The following ARHGAP24 variants were observed in gnomAD, a reference collection of about 807,000 sequenced individuals.
ARHGAP24 encodes the protein rho GTPase-activating protein 24.
In ARHGAP24, 50 loss-of-function variants were observed where a neutral mutation model predicts 76.4. The observed-to-expected ratio is 0.65, with a 90% confidence interval of 0.52 to 0.83. ARHGAP24 has a LOEUF of 0.83. ARHGAP24 is among the 40% of genes least tolerant of loss of function. ARHGAP24 has a pLI of 0.00. For synonymous variants in ARHGAP24, 345 were observed against 323.3 expected, an observed-to-expected ratio of 1.07 and a Z score of -0.72; for missense variants, 930 against 914.2, an observed-to-expected ratio of 1.02 and a Z score of -0.22.
intron 3 of ARHGAP24, among the ~76,000 whole-genome samples, chr4:85,815,929 G>A (rs1386119662): frequency 1.3e-5 from 2 of 152,130 alleles, no homozygotes; most frequent in Non-Finnish European, 2.9e-5. Flanking sequence ...GGTGGAAGGT[G>A]AAAGGCATGT....
intron 3 of ARHGAP24, among the ~76,000 whole-genome samples, chr4:85,898,016 T>C (rs200830161): frequency 4.0e-5 from 4 of 101,162 alleles, no homozygotes; most frequent in Admixed American, 1.2e-4. Context: ...CATATATATA[T>C]ACACACACAT....
At chr4:85,574,090 T>C (rs1375099630) in intron 2 of ARHGAP24, among the ~76,000 whole-genome samples, 1 of 152,242 alleles carries the variant, frequency 6.6e-6, no homozygotes, top group Non-Finnish European at 1.5e-5. Context: ...TAACTTGCTT[T>C]TTGTTTTTTT....
At chr4:85,910,906 C>A (rs1735038517) in intron 3 of ARHGAP24, among the ~76,000 whole-genome samples, 1 of 152,164 alleles carries the variant, frequency 6.6e-6, no homozygotes, top group Admixed American at 6.5e-5. Context: ...CCGAGACCCA[C>A]CCCCTCCCAT....
chr4:85,721,583 G>T (rs1313717451), intron 2 of ARHGAP24, among the ~76,000 whole-genome samples: 2 of 152,092 alleles, frequency 1.3e-5, no homozygotes, highest in African/African-American at 4.8e-5. Flanking sequence ...TATGGTGCGG[G>T]TAGAATGCTT....
chr4:85,558,314 A>T (rs756813628), intron 1 of ARHGAP24, among the ~76,000 whole-genome samples: 80 of 152,122 alleles, frequency 5.3e-4, no homozygotes, highest in Non-Finnish European at 9.8e-4. Context: ...ATTTTAAAAA[A>T]TTATGTTTTA....
At chr4:85,645,710 T>G (rs888427208) in intron 2 of ARHGAP24, among the ~76,000 whole-genome samples, 2 of 152,082 alleles carry the variant, frequency 1.3e-5, no homozygotes, top group East Asian at 3.9e-4. Flanking sequence ...TGACTTCCAA[T>G]AAGCATTTCT....
chr4:85,722,789 C>T (rs1725004605), intron 3 of ARHGAP24, among the ~76,000 whole-genome samples: 1 of 152,180 alleles, frequency 6.6e-6, no homozygotes, highest in South Asian at 2.1e-4. Flanking sequence ...TTGATTTGAT[C>T]ACAGTCTAGG....
chr4:85,677,246 A>G (rs1048422692), intron 2 of ARHGAP24, among the ~76,000 whole-genome samples: 3 of 152,032 alleles, frequency 2.0e-5, no homozygotes, highest in Non-Finnish European at 2.9e-5. Flanking sequence ...TTAATCCTCC[A>G]TTTATATGTT....
intron 2 of ARHGAP24, among the ~76,000 whole-genome samples, chr4:85,586,146 C>G (rs1019154460): frequency 1.3e-5 from 2 of 152,006 alleles, no homozygotes; most frequent in African/African-American, 4.8e-5. Flanking sequence ...CTTTCTTGTT[C>G]TTGCTCATAT....
chr4:85,853,106 C>G (rs1411398096), intron 3 of ARHGAP24, among the ~76,000 whole-genome samples: 1 of 152,230 alleles, frequency 6.6e-6, no homozygotes. Flanking sequence ...GGCAGCAAGC[C>G]TTGTGGTGCT....
chr4:85,888,822 G>A (rs191276541), intron 3 of ARHGAP24, among the ~76,000 whole-genome samples: 6 of 152,078 alleles, frequency 3.9e-5, no homozygotes, highest in East Asian at 1.9e-4. Flanking sequence ...TCCACTCTAC[G>A]TGTCCATGTG....
At chr4:85,746,412 C>T (rs1726038727) in intron 3 of ARHGAP24, among the ~76,000 whole-genome samples, 1 of 152,212 alleles carries the variant, frequency 6.6e-6, no homozygotes, top group Admixed American at 6.5e-5. Flanking sequence ...ACCAGCAAAC[C>T]TCAAAATAAC....
intron 2 of ARHGAP24, among the ~76,000 whole-genome samples, chr4:85,592,110 C>T (rs1728137588): frequency 1.3e-5 from 2 of 152,152 alleles, no homozygotes; most frequent in Non-Finnish European, 2.9e-5. Flanking sequence ...CCTATTTTGT[C>T]CTAGCACTCC....
chr4:85,777,958 A>G (rs1210849997), intron 3 of ARHGAP24, among the ~76,000 whole-genome samples: 2 of 152,198 alleles, frequency 1.3e-5, no homozygotes, highest in Non-Finnish European at 2.9e-5. Context: ...TACAATCAAC[A>G]ATAATCAAAA....
intron 2 of ARHGAP24, among the ~76,000 whole-genome samples, chr4:85,571,710 T>G (rs954209772): frequency 5.9e-5 from 9 of 152,196 alleles, no homozygotes; most frequent in Non-Finnish European, 1.3e-4. Context: ...TCTTTTTTTT[T>G]GAAATTGCTA....
At chr4:85,778,447 C>G (rs113072385) in intron 3 of ARHGAP24, among the ~76,000 whole-genome samples, 2 of 152,030 alleles carry the variant, frequency 1.3e-5, no homozygotes, top group Non-Finnish European at 2.9e-5. Flanking sequence ...AGTTGTGAAA[C>G]CTGGTTATTT....
At chr4:85,748,771 T>G (rs1726146124) in intron 3 of ARHGAP24, among the ~76,000 whole-genome samples, 2 of 152,182 alleles carry the variant, frequency 1.3e-5, no homozygotes, top group Non-Finnish European at 1.5e-5. Flanking sequence ...TAGAATGGGT[T>G]CAAGTCTCAG....
At chr4:85,887,777 A>G (rs1376459904) in intron 3 of ARHGAP24, among the ~76,000 whole-genome samples, 1 of 152,154 alleles carries the variant, frequency 6.6e-6, no homozygotes, top group Non-Finnish European at 1.5e-5. Context: ...CTCTGTTCTT[A>G]TGTACTTATG....
At chr4:85,775,371 G>C (rs957382999) in intron 3 of ARHGAP24, among the ~76,000 whole-genome samples, 2 of 152,076 alleles carry the variant, frequency 1.3e-5, no homozygotes, top group Non-Finnish European at 2.9e-5. Flanking sequence ...CCTGAGACTG[G>C]GTAATTTATA....
Sources: gnomAD v4.1 joint callset for allele counts (sites outside exome capture counted in the v4.1 genomes callset) on GRCh38, gnomAD v4.1.1 for gene constraint, MANE v1.5 for transcripts, NCBI Gene and HGNC (gene_info 2026-07-23, HGNC 2026-07-21) for gene names.